Variants in FRMPD4 observed in about 807,000 individuals in gnomAD.
The protein encoded by FRMPD4 is FERM and PDZ domain containing 4, also known as FERM and PDZ domain-containing protein 4.
Under a neutral mutation model 94.1 loss-of-function variants are expected in FRMPD4, and 22 were observed. That is an observed-to-expected ratio of 0.23 (90% CI 0.17 to 0.33). The LOEUF is 0.33. Ranked by LOEUF, FRMPD4 falls within the 10% of genes least tolerant of loss-of-function variation. The pLI is 1.00. For synonymous variants in FRMPD4, 631 were observed against 548.6 expected, an observed-to-expected ratio of 1.15 and a Z score of -2.10; for missense variants, 1,111 against 1,339.9, an observed-to-expected ratio of 0.83 and a Z score of 2.67.
At chrX:12,269,306 A>G (rs776198939) in intron 1 of FRMPD4, among the ~76,000 whole-genome samples, 1 of 110,573 alleles carries the variant, frequency 9.0e-6, no homozygotes, top group Admixed American at 9.6e-5. Context: ...TGATTTTGGA[A>G]CAATACTTAC....
chrX:12,316,943 AT>A (rs2055127059), intron 1 of FRMPD4, among the ~76,000 whole-genome samples: 1 of 111,983 alleles, frequency 8.9e-6, no homozygotes, highest in Non-Finnish European at 1.9e-5. Context: ...ACAATTTAGC[AT>A]TTTTAGTGTT....
At chrX:11,899,445 G>A (rs761929964) in intron 3 of FRMPD4, among the ~76,000 whole-genome samples, 105 of 104,402 alleles carry the variant, frequency 1.0e-3, no homozygotes, top group African/African-American at 3.4e-3. Context: ...ATTTATTTGC[G>A]TTTGTTTTTG....
intron 3 of FRMPD4, among the ~76,000 whole-genome samples, chrX:12,086,627 C>T (rs913909216): frequency 9.9e-5 from 11 of 111,319 alleles, no homozygotes; most frequent in East Asian, 2.8e-4. Context: ...TGAGGAAGTC[C>T]GGGTGGGATG....
At chrX:12,162,147 A>G (rs1469378309) in intron 1 of FRMPD4, among the ~76,000 whole-genome samples, 4 of 112,657 alleles carry the variant, frequency 3.6e-5, no homozygotes, top group Non-Finnish European at 7.5e-5. Flanking sequence ...ATTGAATTGC[A>G]GGTAAAACTA....
chrX:11,882,275 T>C (rs2053818288), intron 3 of FRMPD4, among the ~76,000 whole-genome samples: 3 of 110,470 alleles, frequency 2.7e-5, no homozygotes, highest in African/African-American at 9.9e-5. Flanking sequence ...GGAGGACATT[T>C]CAGCAAGTCA....
intron 1 of FRMPD4, among the ~76,000 whole-genome samples, chrX:12,479,456 G>GTGTA (rs2057652713): frequency 4.0e-5 from 1 of 25,134 alleles, no homozygotes; most frequent in Admixed American, 4.9e-4. Context: ...GTATATATAT[G>GTGTA]TATATATGTA....
chrX:12,013,218 G>A (rs1245699997), intron 3 of FRMPD4, among the ~76,000 whole-genome samples: 1 of 111,870 alleles, frequency 8.9e-6, no homozygotes, highest in East Asian at 2.8e-4. Context: ...CATTGTTTCA[G>A]AGGCCTTTCT....
intron 2 of FRMPD4, among the ~76,000 whole-genome samples, chrX:12,519,761 T>G (rs1399666658): frequency 8.9e-6 from 1 of 112,371 alleles, no homozygotes; most frequent in Non-Finnish European, 1.9e-5. Context: ...AATAGACATT[T>G]CTTCAAAGAT....
intron 3 of FRMPD4, among the ~76,000 whole-genome samples, chrX:12,092,545 A>G (rs2055162379): frequency 8.9e-6 from 1 of 111,986 alleles, no homozygotes. Context: ...GAAAAGAGAA[A>G]GAGAACTGGC....
At chrX:12,566,246 A>G (rs2058710909) in intron 2 of FRMPD4, among the ~76,000 whole-genome samples, 1 of 111,332 alleles carries the variant, frequency 9.0e-6, no homozygotes, top group East Asian at 2.8e-4. Context: ...AAAAGCGGAA[A>G]AAGAACTGTG....
chrX:12,000,439 A>C (rs6640857), intron 3 of FRMPD4, among the ~76,000 whole-genome samples: 8,194 of 111,966 alleles, frequency 0.073, 285 homozygotes, highest in East Asian at 0.24. Context: ...GGCAGTTTTG[A>C]TATAAATATG....
intron 3 of FRMPD4, among the ~76,000 whole-genome samples, chrX:11,965,478 T>C (rs1453900559): frequency 1.8e-5 from 2 of 112,139 alleles, no homozygotes; most frequent in Non-Finnish European, 3.8e-5. Context: ...CTATAACTTA[T>C]ATCAGAGTCT....
At chrX:12,042,251 T>C (rs1487309836) in intron 3 of FRMPD4, among the ~76,000 whole-genome samples, 14 of 110,383 alleles carry the variant, frequency 1.3e-4, no homozygotes, top group African/African-American at 4.3e-4. Flanking sequence ...GGAAACACTT[T>C]CCTATTCTTT....
chrX:12,275,418 C>A (rs1472596026), intron 1 of FRMPD4, among the ~76,000 whole-genome samples: 4 of 110,868 alleles, frequency 3.6e-5, no homozygotes, highest in Non-Finnish European at 7.5e-5. Context: ...AAATAAATTA[C>A]CGAGTCTCAG....
chrX:12,551,429 A>T (rs1415330081), intron 2 of FRMPD4, among the ~76,000 whole-genome samples: 1 of 110,641 alleles, frequency 9.0e-6, no homozygotes, highest in Non-Finnish European at 1.9e-5. Flanking sequence ...ATACTACGAA[A>T]TTTCCTGTCC....
In FRMPD4 at chrX:12,721,159, C is replaced by T; in HGVS notation, c.4590C>T (p.Cys1530=). 8 of 754,377 alleles carry T rather than the reference C, an allele frequency of 1.1e-5. No individual in the cohort carries two copies. Among genetic ancestry groups the T allele is most frequent in the Non-Finnish European group, 1.3e-5 (8 of 637,971 alleles). The allele number at this position is 754,377 out of a possible 1,213,427, so 62.2% of individuals were successfully genotyped here. ...ERGEATVQVS[C]LYRPQMTQAM... ...GAGAGGCCACCGTCCAGGTCTCTTG[C>T]CTCTATAGACCACAGATGACTCAAG... The change falls in exon 17 of 17, where the codon TGC becomes TGT. Residue 1530 remains cysteine (C), a synonymous_variant. Transcript: ENST00000675598.
intron 1 of FRMPD4, among the ~76,000 whole-genome samples, chrX:12,336,898 G>A (rs778855163): frequency 1.8e-5 from 2 of 111,542 alleles, no homozygotes; most frequent in South Asian, 7.7e-4. Context: ...GCAATGGAGT[G>A]AACCAAGAAA....
At chrX:12,695,868 C>G (rs1395373752) in intron 9 of FRMPD4, among the ~76,000 whole-genome samples, 2 of 111,483 alleles carry the variant, frequency 1.8e-5, no homozygotes, top group Non-Finnish European at 3.8e-5. Context: ...TCCCGAGTAG[C>G]TGGGATTACA....
intron 3 of FRMPD4, among the ~76,000 whole-genome samples, chrX:12,118,917 C>G (rs1446260714): frequency 9.0e-6 from 1 of 111,225 alleles, no homozygotes; most frequent in African/African-American, 3.3e-5. Flanking sequence ...CTCCTGGTCT[C>G]TTTTCTAACA....
Sources: gnomAD v4.1 joint callset for allele counts (sites outside exome capture counted in the v4.1 genomes callset) on GRCh38, gnomAD v4.1.1 for gene constraint, MANE v1.5 for transcripts, NCBI Gene and HGNC (gene_info 2026-07-23, HGNC 2026-07-21) for gene names.